The following MIB1 variants were observed in gnomAD, a reference collection of about 807,000 sequenced individuals.
MIB1 encodes the protein MIB E3 ubiquitin protein ligase 1.
Under a neutral mutation model 124.5 loss-of-function variants are expected in MIB1, and 278 were observed. The ratio of observed to expected loss-of-function variants is 2.23; its 90% confidence interval spans 2.02 to 2.47. The LOEUF (loss-of-function observed/expected upper bound fraction) is 2.47. Ranked by LOEUF, MIB1 falls within the 30% of genes most tolerant of loss-of-function variation. The pLI is 0.00. For missense variants in MIB1, 957 were observed against 1,254.4 expected (o/e 0.76, Z 3.58); for synonymous variants, 446 against 429.4 (o/e 1.04, Z -0.48).
At chr18:21,831,556 T>G (rs1216281651) in intron 12 of MIB1, 1 of 152,116 alleles carries the variant, frequency 6.6e-6, no homozygotes, top group East Asian at 1.9e-4. Flanking sequence ...CGATTGTCGA[T>G]CCAAAAGCTG....
At chr18:21,798,315 T>C in intron 8 of MIB1, 87 bp downstream of exon 8, 1 of 1,292,940 alleles carries the variant, frequency 7.7e-7, no homozygotes, top group Non-Finnish European at 1.1e-6. Context: ...ACAGATAATG[T>C]TGTACATGTG....
chr18:21,799,276 T>G (rs577723437), intron 8 of MIB1, among the ~76,000 whole-genome samples: 1 of 152,214 alleles, frequency 6.6e-6, no homozygotes, highest in Admixed American at 6.6e-5. Context: ...TATTCATCCC[T>G]GGTTCATTGT....
chr18:21,778,274 ACT>A, intron 5 of MIB1, 105 bp downstream of exon 5: 1 of 751,642 alleles, frequency 1.3e-6, no homozygotes. Context: ...CACTAAAGTT[ACT>A]TAGAGAAAAA....
chr18:21,803,653 T>C, intron 9 of MIB1: 1 of 300,972 alleles, frequency 3.3e-6, no homozygotes. Context: ...CTCCCTTCTT[T>C]CAACTTTGCA....
rs2041149214 is a variant in MIB1 at position 21,765,711 on chromosome 18, G to T, written c.230-61G>T. The T allele has an allele frequency of 1.3e-5, 19 of 1,501,152 alleles. 1 individual carries two copies. The South Asian group carries it at 2.1e-4, about 17-fold the overall frequency. 93.0% of individuals were successfully genotyped at this position (1,501,152 alleles called of 1,614,324 possible). ...TCTGTTCTTATTTTTTTCCCCCAAGGAATAATATTCAAATAAATAAAATTT... is the reference window on the plus strand; with the variant it reads ...TCTGTTCTTATTTTTTTCCCCCAAGTAATAATATTCAAATAAATAAAATTT... On this transcript the variant is annotated intron_variant, in intron 1 of 20. Coordinates refer to ENST00000261537, the MANE Select transcript of MIB1 (RefSeq NM_020774.4).
At position 21,779,563 on chromosome 18, in the gene MIB1, G is replaced by A. The variant is rs2041333815; in HGVS notation, c.786G>A (p.Gln262=). 2 of 1,613,946 alleles carry A rather than the reference G, an allele frequency of 1.2e-6. No homozygotes were observed. Among genetic ancestry groups the A allele is most frequent in the African/African-American group, 1.3e-5 (1 of 74,904 alleles). ...VNIDLDLEIV[Q]SLQHGHGGWT... The stretch of plus-strand genomic sequence containing the variant: ...TAGATCTCGACCTCGAAATTGTACA[G>A]TCTTTGCAGCATGGTCATGGAGGAT... The change falls in exon 6 of 21, where the codon CAG becomes CAA. Residue 262 remains glutamine (Q), a synonymous_variant. Transcript: ENST00000261537.
chr18:21,840,665 ATTTTTTT>A (rs375520508), intron 13 of MIB1, among the ~76,000 whole-genome samples: 1 of 3,138 alleles, frequency 3.2e-4, no homozygotes, highest in African/African-American at 4.3e-4. Flanking sequence ...ATATATATAT[ATTTTTTT>A]TTTTTTTTAA....
intron 4 of MIB1, among the ~76,000 whole-genome samples, chr18:21,776,424 C>T (rs1048203914): frequency 1.3e-5 from 2 of 152,052 alleles, no homozygotes; most frequent in Non-Finnish European, 2.9e-5. Context: ...TGCACATGTG[C>T]ATCTGTATTA....
At chr18:21,772,697 C>T (rs1183167147) in intron 3 of MIB1, among the ~76,000 whole-genome samples, 1 of 151,918 alleles carries the variant, frequency 6.6e-6, no homozygotes, top group Non-Finnish European at 1.5e-5. Context: ...ATTTTTTAAT[C>T]CAGTGAATTC....
chr18:21,842,685 A>G (rs1299677076), intron 13 of MIB1, among the ~76,000 whole-genome samples: 2 of 152,210 alleles, frequency 1.3e-5, no homozygotes, highest in Non-Finnish European at 2.9e-5. Context: ...AGAGTGAGGA[A>G]GAGCTCAAAT....
At chr18:21,789,638 G>A (rs115923609) in intron 6 of MIB1, among the ~76,000 whole-genome samples, 2,451 of 152,080 alleles carry the variant, frequency 0.016, 60 homozygotes, top group African/African-American at 0.052. Context: ...CCAACGTAGC[G>A]AAACCCTGCC....
At position 21,799,847 on chromosome 18, in the gene MIB1, TCTCACAA is replaced by T; in HGVS notation, c.1248_1254del (p.Gln417Ter). ...TTTATTTGATGCTTTACAGAAAGAC[TCTCACAA>T]CTCCTGAAGAAATTATTTGAAACCC... On this transcript the variant is annotated frameshift_variant, in exon 9 of 21. Transcript: ENST00000261537. LOFTEE classifies it high-confidence loss of function. 1 of 1,609,566 alleles carries T rather than the reference TCTCACAA, an allele frequency of 6.2e-7. No homozygotes were observed. Among genetic ancestry groups the T allele is most frequent in the Non-Finnish European group, 8.5e-7 (1 of 1,177,130 alleles).
rs191365846 is a variant in MIB1 at position 21,837,487 on chromosome 18, G to A, written c.1830-878G>A. ...CGTGCCACTGCACTCCAGCCTGGTC[G>A]ACAGAGCGAGACTCCGTCTCAGGAA... is the stretch of plus-strand genomic sequence containing the variant. On this transcript the variant is annotated intron_variant, in intron 12 of 20. Transcript: ENST00000261537. Among the ~76,000 whole-genome samples, 1,451 of 152,314 alleles carry A rather than the reference G, an allele frequency of 9.5e-3. 9 individuals are homozygous for A. Among genetic ancestry groups the A allele is most frequent in the Middle Eastern group, 0.054 (16 of 294 alleles).
chr18:21,817,775 T>C, intron 11 of MIB1: 1 of 378,104 alleles, frequency 2.6e-6, no homozygotes, highest in Non-Finnish European at 5.2e-6. Flanking sequence ...TTCCTGTAGC[T>C]TCTCAGAATC....
rs146823897 is a variant in MIB1 at position 21,849,212 on chromosome 18, C to T, written c.2410C>T (p.Arg804Trp). 4.5e-6 allele frequency: 7 copies of T among 1,558,828 alleles called. No individual in the cohort carries two copies. The highest frequency in any genetic ancestry group is 1.4e-5 in the African/African-American group (1 of 72,430). The change falls in exon 17 of 21, where the codon CGG (arginine) becomes TGG (tryptophan). Residue 804 changes from arginine to tryptophan, a missense_variant. Arg to Trp is a moderately radical substitution (Grantham distance 101, BLOSUM62 -3). Coordinates refer to ENST00000261537, the MANE Select transcript of MIB1 (RefSeq NM_020774.4). ...TTTTATTAGTGGTCAAGTGGGTTCT[C>T]GGAGTCCTTCTATGATTAGTAATGA... ...KEKVSGQVGS[R>W]SPSMISNDSE... is the part of the protein sequence containing the mutation.
At chr18:21,728,385 T>C (rs111498097) in intron 1 of MIB1, among the ~76,000 whole-genome samples, 2,429 of 151,988 alleles carry the variant, frequency 0.016, 38 homozygotes, top group East Asian at 0.069. Context: ...CCCAGCTAAT[T>C]GGGAGGCTGA....
intron 6 of MIB1, among the ~76,000 whole-genome samples, chr18:21,781,402 TATATATATATATAA>T (rs1226426292): frequency 4.1e-4 from 33 of 80,074 alleles, no homozygotes; most frequent in Non-Finnish European, 6.4e-4. Context: ...TATATATATA[TATATATATATATAA>T]AATTATTATT....
Position 21,769,958 on chromosome 18 carries a change from CT to C in MIB1, c.531+1209del, listed in dbSNP as rs555147796. ...GTGGCTCACGCCTGTAATCCCAGCACTTTGGGAGGCTGAGGCGGGTGGATCA... is the reference window on the plus strand; with the variant it reads ...GTGGCTCACGCCTGTAATCCCAGCACTTGGGAGGCTGAGGCGGGTGGATCA... On this transcript the variant is annotated intron_variant, in intron 3 of 20. Transcript: ENST00000261537. Among the ~76,000 whole-genome samples, 135 of 152,162 alleles carry C rather than the reference CT, an allele frequency of 8.9e-4. 1 individual carries two copies. Among genetic ancestry groups the C allele is most frequent in the Non-Finnish European group, 7.2e-4 (49 of 67,996 alleles).
chr18:21,853,474 G>A (rs772592497), intron 18 of MIB1, among the ~76,000 whole-genome samples: 9 of 152,106 alleles, frequency 5.9e-5, no homozygotes, highest in South Asian at 2.1e-4. Context: ...GCACAAAAGG[G>A]TCTCTTTCCA....
Sources: gnomAD v4.1 joint callset for allele counts (sites outside exome capture counted in the v4.1 genomes callset) on GRCh38, gnomAD v4.1.1 for gene constraint, MANE v1.5 for transcripts, NCBI Gene and HGNC (gene_info 2026-07-23, HGNC 2026-07-21) for gene names.